Variants in BRAF observed in about 807,000 individuals in gnomAD.
BRAF encodes B-Raf proto-oncogene, serine/threonine kinase.
Under a neutral mutation model 104.6 loss-of-function variants are expected in BRAF, and 16 were observed. That is an observed-to-expected ratio of 0.15 (90% CI 0.10 to 0.23). The LOEUF (loss-of-function observed/expected upper bound fraction) is 0.23, where lower values mean the gene tolerates loss of function less well. Among genes scored for constraint, BRAF ranks in the 10% least tolerant of loss-of-function variants. BRAF has a pLI of 1.00. For missense variants in BRAF, 541 were observed against 937.3 expected (o/e 0.58, Z 5.52); for synonymous variants, 310 against 341.6 (o/e 0.91, Z 1.02).
At chr7:140,907,304 C>T (rs1478086723) in intron 1 of BRAF, among the ~76,000 whole-genome samples, 14 of 152,176 alleles carry the variant, frequency 9.2e-5, no homozygotes. Flanking sequence ...CACTGCCACC[C>T]AGGCTGGAGT....
intron 18 of BRAF, 44 bp from the exon 18 acceptor site, chr7:140,734,814 G>GAAAAAAAAAAAAAAAAAA: frequency 1.9e-6 from 2 of 1,064,176 alleles, no homozygotes; most frequent in Non-Finnish European, 2.3e-6. Context: ...AAAGAAAAAA[G>GAAAAAAAAAAAAAAAAAA]AAAAAAAAAG....
In BRAF at chr7:140,734,741, G is replaced by A. The variant is rs1796236915; in HGVS notation, c.2277C>T (p.Arg759=). ...CACTGCGGTGAATTTTTGGCAATGA[G>A]CGGGCCAGCAGCTCAATAGAGGCGA... ...QILASIELLA[R]SLPKIHRSAS... The change falls in exon 19 of 20, where the codon CGC becomes CGT. Residue 759 remains arginine (R), a synonymous_variant. Transcript: ENST00000644969. 5 of 1,599,746 alleles carry A rather than the reference G, an allele frequency of 3.1e-6. No homozygotes were observed. Among genetic ancestry groups the A allele is most frequent in the Non-Finnish European group, 4.2e-6 (5 of 1,178,002 alleles).
intron 17 of BRAF, among the ~76,000 whole-genome samples, chr7:140,743,214 C>A (rs1437425064): frequency 6.6e-6 from 1 of 151,208 alleles, no homozygotes; most frequent in Non-Finnish European, 1.5e-5. Context: ...CCAGCCATCC[C>A]ATTACTGGGT....
chr7:140,882,658 A>T (rs972256602), intron 1 of BRAF, among the ~76,000 whole-genome samples: 2 of 149,366 alleles, frequency 1.3e-5, no homozygotes, highest in Admixed American at 6.7e-5. Flanking sequence ...GATTACAGGC[A>T]TGAGCCACAG....
At chr7:140,758,722 T>C (rs1296837498) in intron 14 of BRAF, among the ~76,000 whole-genome samples, 3 of 152,228 alleles carry the variant, frequency 2.0e-5, no homozygotes, top group Non-Finnish European at 2.9e-5. Flanking sequence ...CCCGAAGTGC[T>C]AGAATTATAG....
At position 140,723,316 on chromosome 7, in the gene BRAF, T is replaced by A. The variant is rs1196970932; in HGVS notation, c.*3178A>T. On this transcript the variant is annotated 3_prime_UTR_variant, in exon 20 of 20. Transcript: ENST00000644969. ...TTACAAAGTTTCAGGTTGACAGTGC[T>A]GCAGTCTTGAATTATTTCTTTATAT... 1 of 1,056,030 alleles carries A rather than the reference T, an allele frequency of 9.5e-7. No homozygotes were observed. The highest frequency in any genetic ancestry group is 5.3e-5 in the East Asian group (1 of 18,940). 65.4% of individuals were successfully genotyped at this position (1,056,030 alleles called of 1,614,324 possible).
At chr7:140,843,666 T>C (rs569088903) in intron 2 of BRAF, among the ~76,000 whole-genome samples, 1 of 152,328 alleles carries the variant, frequency 6.6e-6, no homozygotes, top group African/African-American at 2.4e-5. Context: ...AACACATACA[T>C]ATATACACAT....
chr7:140,721,611 A>T lies in BRAF; in HGVS notation c.*4883T>A. ...TCCGCTCTCCTCTGGCCAAGCTACA[A>T]ATCATCACCTGAGGCAGAGATGCTA... On this transcript the variant is annotated 3_prime_UTR_variant, in exon 20 of 20. Coordinates refer to ENST00000644969, the MANE Select transcript of BRAF (RefSeq NM_001374258.1). 6.5e-7 allele frequency: 1 copy of T among 1,535,472 alleles called. No individual in the cohort carries two copies. The highest frequency in any genetic ancestry group is 8.7e-7 in the Non-Finnish European group (1 of 1,146,520).
In BRAF at chr7:140,719,722, A is replaced by C. The variant is rs1424024975; in HGVS notation, c.*6772T>G. The C allele has an allele frequency of 8.5e-6, 9 of 1,061,888 alleles. No homozygotes were observed. The highest frequency in any genetic ancestry group is 1.6e-5 in the African/African-American group (1 of 60,910). The allele number at this position is 1,061,888 out of a possible 1,614,324, so 65.8% of individuals were successfully genotyped here. The stretch of plus-strand genomic sequence containing the variant: ...AAATGTCTTTTTTATGAATTGAAAA[A>C]TAAGCTTTAAAAATAGTTACTCCAT... On this transcript the variant is annotated 3_prime_UTR_variant, in exon 20 of 20. Coordinates refer to ENST00000644969, the MANE Select transcript of BRAF (RefSeq NM_001374258.1).
chr7:140,904,539 T>C (rs1816077573), intron 1 of BRAF, among the ~76,000 whole-genome samples: 1 of 152,224 alleles, frequency 6.6e-6, no homozygotes, highest in Non-Finnish European at 1.5e-5. Flanking sequence ...GTTGTGGAAT[T>C]TGATCAATCA....
intron 1 of BRAF, among the ~76,000 whole-genome samples, chr7:140,918,045 C>A (rs2129145882): frequency 6.6e-6 from 1 of 152,264 alleles, no homozygotes; most frequent in South Asian, 2.1e-4. Flanking sequence ...CCTTAAGACA[C>A]AAGTTGTTGA....
intron 1 of BRAF, among the ~76,000 whole-genome samples, chr7:140,852,105 A>C (rs10245907): frequency 0.01 from 1,529 of 152,282 alleles, 17 homozygotes; most frequent in African/African-American, 0.034. Context: ...ATAGTGGCTC[A>C]CATCTGTAAT....
chr7:140,728,643 A>G (rs1007501723), intron 19 of BRAF, among the ~76,000 whole-genome samples: 8 of 152,148 alleles, frequency 5.3e-5, no homozygotes, highest in Non-Finnish European at 1.0e-4. Context: ...CACACTCCAG[A>G]AATATACAAA....
chr7:140,821,271 A>C (rs1244741216), intron 3 of BRAF, among the ~76,000 whole-genome samples: 1 of 147,440 alleles, frequency 6.8e-6, no homozygotes, highest in Non-Finnish European at 1.5e-5. Context: ...GGCGCAAGCC[A>C]CTACACCCAG....
chr7:140,796,207 T>C (rs1040943404), intron 7 of BRAF, among the ~76,000 whole-genome samples: 1 of 151,736 alleles, frequency 6.6e-6, no homozygotes, highest in Non-Finnish European at 1.5e-5. Context: ...AAAAATTAGC[T>C]GGGTGTGGTG....
In BRAF at chr7:140,834,777, A is replaced by G; in HGVS notation, c.336T>C (p.Ser112=). The change falls in exon 3 of 20, where the codon TCT becomes TCC. Residue 112 remains serine (S), a synonymous_variant. Transcript: ENST00000644969. ...TAACGGTATCCATTGATGCAGAGCT[A>G]GAAACAGAAAAATCAGTTCCGTTCC... ...SLGNGTDFSV[S]SSASMDTVTS... 6.2e-7 allele frequency: 1 copy of G among 1,614,214 alleles called. No homozygotes were observed. Among genetic ancestry groups the G allele is most frequent in the Non-Finnish European group, 8.5e-7 (1 of 1,180,016 alleles).
chr7:140,895,766 T>C (rs1324477794), intron 1 of BRAF, among the ~76,000 whole-genome samples: 1 of 152,242 alleles, frequency 6.6e-6, no homozygotes, highest in Admixed American at 6.5e-5. Flanking sequence ...ATTTTTCCTT[T>C]TTACGGCTGA....
intron 7 of BRAF, among the ~76,000 whole-genome samples, chr7:140,798,779 C>A (rs899359575): frequency 1.3e-5 from 2 of 151,548 alleles, no homozygotes; most frequent in Admixed American, 6.6e-5. Context: ...TAAACTGATA[C>A]CCACTTAACT....
chr7:140,904,860 G>A (rs62485370), intron 1 of BRAF, among the ~76,000 whole-genome samples: 8,483 of 152,206 alleles, frequency 0.056, 287 homozygotes, highest in South Asian at 0.11. Context: ...GCCTGCCTCG[G>A]CCTCCCAAAG....
Sources: gnomAD v4.1 joint callset for allele counts (sites outside exome capture counted in the v4.1 genomes callset) on GRCh38, gnomAD v4.1.1 for gene constraint, MANE v1.5 for transcripts, NCBI Gene and HGNC (gene_info 2026-07-23, HGNC 2026-07-21) for gene names.